Variants in FRMD3 observed in about 807,000 individuals in gnomAD.
The protein encoded by FRMD3 is FERM domain containing 3.
Under a neutral mutation model 70.2 loss-of-function variants are expected in FRMD3, and 33 were observed. The ratio of observed to expected loss-of-function variants is 0.47; its 90% CI spans 0.36 to 0.63. The LOEUF is 0.63. Among genes scored for constraint, FRMD3 ranks in the 20% least tolerant of loss-of-function variants. The probability of loss-of-function intolerance (pLI) is 0.00; values close to 1 mark genes in which losing one functional copy is unlikely to be tolerated. For missense variants in FRMD3, 632 were observed against 711.4 expected (o/e 0.89, Z 1.27); for synonymous variants, 279 against 255.9 (o/e 1.09, Z -0.86).
chr9:83,506,967 G>C (rs1176950153), intron 1 of FRMD3, among the ~76,000 whole-genome samples: 1 of 152,030 alleles, frequency 6.6e-6, no homozygotes, highest in Non-Finnish European at 1.5e-5. Flanking sequence ...GCCTACACAG[G>C]ATCAAGAGTG....
At chr9:83,332,111 C>T in intron 6 of FRMD3, 1 of 558,476 alleles carries the variant, frequency 1.8e-6, no homozygotes, top group Non-Finnish European at 3.2e-6. Flanking sequence ...TGCTCTAAGC[C>T]ACTGAGCATT....
intron 1 of FRMD3, among the ~76,000 whole-genome samples, chr9:83,528,798 G>C (rs929199224): frequency 3.3e-5 from 5 of 152,218 alleles, no homozygotes; most frequent in Admixed American, 6.5e-5. Flanking sequence ...AAAGTGCTGG[G>C]ATTACAGGCA....
Position 83,248,107 on chromosome 9 carries a change from G to A in FRMD3, c.1605C>T (p.Gly535=), listed in dbSNP as rs1261616421. The A allele has an allele frequency of 2.5e-6, 4 of 1,614,026 alleles. No individual in the cohort carries two copies. The highest frequency in any genetic ancestry group is 1.7e-5 in the Admixed American group (1 of 59,996). The change falls in exon 14 of 14, where the codon GGC becomes GGT. Residue 535 remains glycine (G), a synonymous_variant. Coordinates refer to ENST00000304195, the MANE Select transcript of FRMD3 (RefSeq NM_174938.6). ...VKSFSRLLVV[G]LGLLLFVFPL... ...GAAATACAAAGAGCAGCAGTCCCAG[G>A]CCCACCACAAGGAGCCTGGAAAAAC...
intron 1 of FRMD3, among the ~76,000 whole-genome samples, chr9:83,536,696 G>C (rs1829899372): frequency 6.6e-6 from 1 of 152,242 alleles, no homozygotes; most frequent in South Asian, 2.1e-4. Flanking sequence ...TTTCCTGGGA[G>C]ATCATGGGGC....
intron 1 of FRMD3, among the ~76,000 whole-genome samples, chr9:83,487,909 C>T (rs564748761): frequency 6.6e-6 from 1 of 152,238 alleles, no homozygotes; most frequent in East Asian, 1.9e-4. Context: ...AGAACCTTAT[C>T]ATAAGTTAAC....
the FRMD3 span, among the ~76,000 whole-genome samples, chr9:83,570,082 A>G: frequency 7.9e-5 from 12 of 152,172 alleles, no homozygotes. Flanking sequence ...ATGTTGCTCA[A>G]ATTCCCATCT....
chr9:83,302,480 A>G (rs906167488), intron 10 of FRMD3, among the ~76,000 whole-genome samples: 2 of 152,162 alleles, frequency 1.3e-5, no homozygotes, highest in African/African-American at 4.8e-5. Context: ...TCTACATATT[A>G]TTAAAGGGGG....
At chr9:83,274,836 A>G (rs1468867760) in intron 13 of FRMD3, among the ~76,000 whole-genome samples, 2 of 152,212 alleles carry the variant, frequency 1.3e-5, no homozygotes, top group Non-Finnish European at 2.9e-5. Context: ...AGATGTTGCA[A>G]TGTTCCAAGA....
chr9:83,566,784 G>T, the FRMD3 span, among the ~76,000 whole-genome samples: 1 of 152,206 alleles, frequency 6.6e-6, no homozygotes, highest in Non-Finnish European at 1.5e-5. Context: ...GCAAGAAGTG[G>T]GTTCCCATGG....
intron 13 of FRMD3, among the ~76,000 whole-genome samples, chr9:83,269,644 G>C (rs562282426): frequency 2.0e-5 from 3 of 151,240 alleles, no homozygotes; most frequent in Admixed American, 1.3e-4. Flanking sequence ...GGGAGGCGGA[G>C]GTTGCAGCAA....
rs115415042 is a variant in FRMD3, at chr9:83,389,753, G to A, written c.148-45C>T. The stretch of plus-strand genomic sequence containing the variant: ...AAGTCTCAGCCAGAGCTCACCTTGT[G>A]CATTCACGTCCTCAGGGAGCCTTGT... On this transcript the variant is annotated intron_variant, in intron 1 of 13. Transcript: ENST00000304195. 6.0e-4 allele frequency: 811 copies of A among 1,356,842 alleles called. 2 individuals carry two copies. The African/African-American group carries it at 0.01, about 17-fold the overall frequency. 84.1% of individuals were successfully genotyped at this position (1,356,842 alleles called of 1,614,324 possible).
At chr9:83,504,918 C>G (rs1471291075) in intron 1 of FRMD3, among the ~76,000 whole-genome samples, 1 of 152,178 alleles carries the variant, frequency 6.6e-6, no homozygotes, top group Non-Finnish European at 1.5e-5. Flanking sequence ...GGCAGGAGAT[C>G]TTCTGGGAGA....
chr9:83,543,418 G>A (rs1050471579), upstream of FRMD3, among the ~76,000 whole-genome samples: 7 of 152,070 alleles, frequency 4.6e-5, no homozygotes, highest in African/African-American at 1.4e-4. Context: ...CTTATGCATC[G>A]GTGTGGGCGG....
intron 6 of FRMD3, among the ~76,000 whole-genome samples, chr9:83,323,763 T>C (rs1367752687): frequency 6.6e-6 from 1 of 152,254 alleles, no homozygotes; most frequent in South Asian, 2.1e-4. Flanking sequence ...GGATATACAC[T>C]GTATGATTCT....
chr9:83,339,747 T>A (rs1823695047), intron 5 of FRMD3, among the ~76,000 whole-genome samples: 1 of 152,166 alleles, frequency 6.6e-6, no homozygotes, highest in South Asian at 2.1e-4. Flanking sequence ...TGTTTCCTTA[T>A]CCATCTTCCC....
upstream of FRMD3, among the ~76,000 whole-genome samples, chr9:83,541,682 ATAG>A (rs1316700116): frequency 1.3e-5 from 2 of 152,216 alleles, no homozygotes; most frequent in Non-Finnish European, 2.9e-5. Flanking sequence ...CAGAAGACAA[ATAG>A]TGGTGCATGA....
intron 6 of FRMD3, among the ~76,000 whole-genome samples, chr9:83,328,052 G>T (rs879555202): frequency 3.9e-5 from 6 of 152,154 alleles, no homozygotes; most frequent in Admixed American, 1.3e-4. Flanking sequence ...AAGGCTTATA[G>T]GAGAGCAGCA....
At position 83,309,618 on chromosome 9, in the gene FRMD3, C is replaced by CT. The variant is rs1451322265; in HGVS notation, c.843dup (p.Ala282SerfsTer28). On this transcript the variant is annotated frameshift_variant, in exon 10 of 14. Transcript: ENST00000304195. LOFTEE classifies it high-confidence loss of function. Reference sequence around the variant, plus strand: ...GTTGAAGTATGGAATGCCAACATGGCTTTTTTCTAATTAAAAAATAACAAA... The same window carrying CT: ...GTTGAAGTATGGAATGCCAACATGGCTTTTTTTCTAATTAAAAAATAACAAA... The CT allele has an allele frequency of 8.3e-6, 13 of 1,571,540 alleles. No individual in the cohort carries two copies. Among genetic ancestry groups the CT allele is most frequent in the Non-Finnish European group, 1.1e-5 (13 of 1,157,632 alleles).
intron 1 of FRMD3, among the ~76,000 whole-genome samples, chr9:83,394,600 C>T (rs1349902987): frequency 1.3e-5 from 2 of 152,130 alleles, no homozygotes; most frequent in African/African-American, 2.4e-5. Flanking sequence ...GATTTTGTTT[C>T]TTCTGATGCC....
Sources: gnomAD v4.1 joint callset for allele counts (sites outside exome capture counted in the v4.1 genomes callset) on GRCh38, gnomAD v4.1.1 for gene constraint, MANE v1.5 for transcripts, NCBI Gene and HGNC (gene_info 2026-07-23, HGNC 2026-07-21) for gene names.